Variants in CAMTA1 observed in about 807,000 individuals in gnomAD.
CAMTA1 encodes the protein calmodulin-binding transcription activator 1.
CAMTA1 carries 27 observed loss-of-function variants against 170.9 expected under a neutral mutation model. The observed-to-expected ratio is 0.16, with a 90% CI of 0.12 to 0.22. The LOEUF (loss-of-function observed/expected upper bound fraction) is 0.22, where lower values mean the gene tolerates loss of function less well. Ranked by LOEUF, CAMTA1 falls within the 10% of genes least tolerant of loss-of-function variation. The pLI, the probability that CAMTA1 is intolerant of heterozygous loss-of-function variation, is 1.00. For synonymous variants in CAMTA1, 833 were observed against 891.5 expected (o/e 0.93, Z 1.17); for missense variants, 1,619 against 2,217.2 (o/e 0.73, Z 5.42).
chr1:6,813,874 G>A (rs1645474410), intron 1 of CAMTA1, among the ~76,000 whole-genome samples: 1 of 152,180 alleles, frequency 6.6e-6, no homozygotes, highest in East Asian at 1.9e-4. Context: ...TGGCCTTATA[G>A]GAAGAGATGT....
rs576446394 is a variant in CAMTA1, at chr1:7,238,559, C to T, written c.303-10932C>T. Among the ~76,000 whole-genome samples, 6 of 152,302 alleles carry T rather than the reference C, an allele frequency of 3.9e-5. No homozygotes were observed. In the South Asian group the frequency reaches 6.2e-4, roughly 16 times the overall value. On this transcript the variant is annotated intron_variant, in intron 4 of 22. Transcript: ENST00000303635. ...CCCAGGGGCTCAGCTTGAAACTCTA[C>T]GCTGATGTTCACTGATTTGTTCAGT...
In CAMTA1 at chr1:6,805,704, A is replaced by G. The variant is rs1421159109; in HGVS notation, c.46-14477A>G. 3.3e-5 allele frequency among the ~76,000 whole-genome samples: 5 copies of G among 151,976 alleles called. 1 individual carries two copies. Among genetic ancestry groups the G allele is most frequent in the South Asian group, 4.2e-4 (2 of 4,818 alleles). ...ATTTTTTAATAGAAACGGAGTCTCT[A>G]TATTATATTATGCCCAGGCTGGTCT... is the stretch of plus-strand genomic sequence containing the variant. On this transcript the variant is annotated intron_variant, in intron 1 of 22. Transcript: ENST00000303635.
At chr1:7,312,998 T>C (rs1273673143) in intron 5 of CAMTA1, among the ~76,000 whole-genome samples, 1 of 152,184 alleles carries the variant, frequency 6.6e-6, no homozygotes, top group Non-Finnish European at 1.5e-5. Flanking sequence ...CTCCTTTTTT[T>C]CTGTGTGTTT....
chr1:7,658,115 C>G (rs1389694337), intron 7 of CAMTA1, among the ~76,000 whole-genome samples: 1 of 152,142 alleles, frequency 6.6e-6, no homozygotes, highest in African/African-American at 2.4e-5. Flanking sequence ...AAGGCCGAAG[C>G]CAGAGGTGGG....
chr1:7,552,722 C>A (rs2094819746), intron 6 of CAMTA1, among the ~76,000 whole-genome samples: 1 of 152,244 alleles, frequency 6.6e-6, no homozygotes, highest in South Asian at 2.1e-4. Context: ...GAGCAGCCCG[C>A]CCAGTTCCGC....
intron 4 of CAMTA1, among the ~76,000 whole-genome samples, chr1:7,192,718 G>A (rs1416990216): frequency 6.6e-6 from 1 of 152,210 alleles, no homozygotes; most frequent in African/African-American, 2.4e-5. Flanking sequence ...TAAGACGTGT[G>A]ACTCCCATTT....
At chr1:7,428,576 A>T (rs2149349047) in intron 5 of CAMTA1, among the ~76,000 whole-genome samples, 1 of 152,216 alleles carries the variant, frequency 6.6e-6, no homozygotes, top group African/African-American at 2.4e-5. Context: ...GAGGCCCAGC[A>T]CTGCCTCCCA....
chr1:7,594,142 G>GAAAGAAAGAAAGAAA lies in CAMTA1; in HGVS notation c.511-46258_511-46257insAAAGAAAGAAAGAAA, dbSNP rs1557972603. 5.7e-4 allele frequency among the ~76,000 whole-genome samples: 72 copies of GAAAGAAAGAAAGAAA among 125,570 alleles called. 1 individual carries two copies. Among genetic ancestry groups the GAAAGAAAGAAAGAAA allele is most frequent in the African/African-American group, 2.6e-3 (69 of 26,560 alleles). The allele number at this position is 125,570 out of a possible 152,430, so 82.4% of individuals were successfully genotyped here. A position where few individuals can be genotyped will look rare whatever the true frequency, so the allele number is the denominator to read the frequency against. On this transcript the variant is annotated intron_variant, in intron 6 of 22. Transcript: ENST00000303635. ...GAGAAAGAAAGAAAGAAAGAAAGAA[G>GAAAGAAAGAAAGAAA]GAAGGAAGGAAAGAAGGAAGGAGAA...
intron 6 of CAMTA1, among the ~76,000 whole-genome samples, chr1:7,535,056 C>T (rs1471755175): frequency 1.3e-5 from 2 of 152,120 alleles, no homozygotes; most frequent in East Asian, 3.9e-4. Context: ...GATGTGGACA[C>T]CACAGGCCGC....
At position 7,663,866 on chromosome 1, in the gene CAMTA1, A is replaced by C. The variant is rs375153375; in HGVS notation, c.1319A>C (p.His440Pro). ...GLVLAVSSDG[H>P]KFAFPTTGSS... is the part of the protein sequence containing the mutation. The stretch of plus-strand genomic sequence containing the variant: ...GTCCTGGCCGTGAGCTCTGATGGCC[A>C]CAAGTTCGCCTTTCCCACCACGGGC... The change falls in exon 9 of 23, where the codon CAC (histidine) becomes CCC (proline). Residue 440 changes from histidine (H) to proline (P), a missense_variant. Coordinates refer to ENST00000303635, the MANE Select transcript of CAMTA1 (RefSeq NM_015215.4). 84 of 1,614,048 alleles carry C rather than the reference A, an allele frequency of 5.2e-5. No individual in the cohort carries two copies. The South Asian group carries it at 8.8e-4, about 17-fold the overall frequency.
At chr1:6,987,426 A>C (rs1695548401) in intron 3 of CAMTA1, among the ~76,000 whole-genome samples, 1 of 152,078 alleles carries the variant, frequency 6.6e-6, no homozygotes, top group South Asian at 2.1e-4. Flanking sequence ...TGGCCTCCCA[A>C]AGTGTTGGGA....
intron 1 of CAMTA1, among the ~76,000 whole-genome samples, chr1:6,800,384 A>T (rs938115551): frequency 2.0e-5 from 3 of 152,146 alleles, no homozygotes; most frequent in East Asian, 3.9e-4. Flanking sequence ...TCCAGTCTGG[A>T]TGACAGAGTG....
chr1:7,603,616 T>A (rs1308126235), intron 6 of CAMTA1, among the ~76,000 whole-genome samples: 1 of 152,230 alleles, frequency 6.6e-6, no homozygotes, highest in African/African-American at 2.4e-5. Flanking sequence ...AGCACACTGA[T>A]GGGTCTTGAC....
chr1:7,664,349 A>T lies in CAMTA1; in HGVS notation c.1802A>T (p.Gln601Leu). The change falls in exon 9 of 23, where the codon CAG (glutamine) becomes CTG (leucine). Residue 601 changes from glutamine (Q) to leucine (L), a missense_variant. Transcript: ENST00000303635. ...SNKDYTSSFS[Q>L]TGHSPHIHQT... ...AAGGACTACACGTCCAGCTTCAGCC[A>T]GACGGGCCACAGCCCCCACATCCAC... The T allele has an allele frequency of 1.2e-6, 2 of 1,613,642 alleles. No individual in the cohort carries two copies. Among genetic ancestry groups the T allele is most frequent in the Non-Finnish European group, 1.7e-6 (2 of 1,180,022 alleles).
At chr1:6,810,117 C>T (rs141184697) in intron 1 of CAMTA1, among the ~76,000 whole-genome samples, 1 of 152,268 alleles carries the variant, frequency 6.6e-6, no homozygotes, top group East Asian at 1.9e-4. Flanking sequence ...GGTGGAATCT[C>T]CTGGTTCCCA....
At chr1:6,960,268 A>G (rs1690147186) in intron 3 of CAMTA1, among the ~76,000 whole-genome samples, 1 of 152,214 alleles carries the variant, frequency 6.6e-6, no homozygotes, top group Admixed American at 6.5e-5. Flanking sequence ...GGCAGAGAGC[A>G]GTTAAACGAG....
intron 11 of CAMTA1, among the ~76,000 whole-genome samples, chr1:7,717,268 C>G (rs2096617296): frequency 6.6e-6 from 1 of 151,968 alleles, no homozygotes; most frequent in South Asian, 2.1e-4. Flanking sequence ...GTTAAATGCC[C>G]TCACCACAAA....
intron 2 of CAMTA1, among the ~76,000 whole-genome samples, chr1:6,822,817 C>G (rs1646654951): frequency 4.0e-5 from 6 of 151,438 alleles, no homozygotes; most frequent in Admixed American, 4.0e-4. Context: ...CACACACACA[C>G]ACACACACAA....
chr1:6,877,653 G>A (rs1039946508), intron 3 of CAMTA1, among the ~76,000 whole-genome samples: 9 of 152,174 alleles, frequency 5.9e-5, no homozygotes, highest in African/African-American at 2.2e-4. Context: ...CACATCTTCA[G>A]GTGGGGTCGC....
Sources: gnomAD v4.1 joint callset for allele counts (sites outside exome capture counted in the v4.1 genomes callset) on GRCh38, gnomAD v4.1.1 for gene constraint, MANE v1.5 for transcripts, NCBI Gene and HGNC (gene_info 2026-07-23, HGNC 2026-07-21) for gene names.